RDM1: variants seen among roughly 807,000 people sequenced by gnomAD.
RDM1 encodes the protein RAD52 motif-containing protein 1.
In RDM1, 28 loss-of-function variants were observed where a neutral mutation model predicts 27.7. The observed-to-expected ratio is 1.01, with a 90% CI of 0.75 to 1.39. The LOEUF (loss-of-function observed/expected upper bound fraction) is 1.39. Ranked by LOEUF, RDM1 falls within the 40% of genes most tolerant of loss-of-function variation. RDM1 has a pLI of 0.00. For synonymous variants in RDM1, 124 were observed against 127.5 expected (o/e 0.97, Z 0.19); for missense variants, 277 against 337.3 (o/e 0.82, Z 1.40).
intron 2 of RDM1, among the ~76,000 whole-genome samples, chr17:35,926,528 C>T (rs1381847562): frequency 7.2e-5 from 11 of 152,162 alleles, no homozygotes; most frequent in African/African-American, 2.6e-4. Context: ...CTCAGCCTCC[C>T]GAGTAGTTGG....
At position 35,930,250 on chromosome 17, in the gene RDM1, A is replaced by C. The variant is rs1430886819; in HGVS notation, c.102T>G (p.Ser34=). Residue 34 remains serine (S), a synonymous_variant, in exon 2 of 7, where the codon TCT becomes TCG. Coordinates refer to ENST00000620284, the MANE Select transcript of RDM1 (RefSeq NM_145654.4). ...CAAACTGAGAAAATGCTGTGAACAG[A>C]GAATGCTGTGGGGGTGGGACAAGTA... The part of the protein sequence containing the change: ...SGPTAEALHH[S]LFTAFSQFGL... The C allele has an allele frequency of 1.2e-6, 2 of 1,614,016 alleles. No individual in the cohort carries two copies. The highest frequency in any genetic ancestry group is 1.3e-5 in the African/African-American group (1 of 74,932).
intron 5 of RDM1, among the ~76,000 whole-genome samples, chr17:35,921,068 G>T (rs566181020): frequency 1.3e-4 from 20 of 152,276 alleles, no homozygotes; most frequent in African/African-American, 4.8e-4. Flanking sequence ...TTCTGAGAGA[G>T]AGAACATTTG....
chr17:35,924,861 C>A, intron 3 of RDM1, 89 bp from the exon 4 acceptor site: 4 of 1,362,420 alleles, frequency 2.9e-6, no homozygotes, highest in Non-Finnish European at 4.0e-6. Context: ...CTTGGCTGGG[C>A]GTGGTGGTTC....
chr17:35,923,349 CAAAAAAAAAAAAA>C (rs1013511994), intron 4 of RDM1, among the ~76,000 whole-genome samples: 1 of 47,266 alleles, frequency 2.1e-5, no homozygotes, highest in East Asian at 6.2e-4. Flanking sequence ...GATTCTGTCT[CAAAAAAAAAAAAA>C]AAAAAAAAAG....
Position 35,920,205 on chromosome 17 carries a change from T to C in RDM1, c.735A>G (p.Glu245=). 1 of 1,586,418 alleles carries C rather than the reference T, an allele frequency of 6.3e-7. No homozygotes were observed. Among genetic ancestry groups the C allele is most frequent in the East Asian group, 2.2e-5 (1 of 44,608 alleles). ...EDIVGVRCEE[E]LHGLIQVPCS... The stretch of plus-strand genomic sequence containing the variant: ...CACATACTTGAATTAAACCGTGTAG[T>C]TCTTCTTCGCATCTGACACCTACGA... The change falls in exon 6 of 7, where the codon GAA becomes GAG. Residue 245 remains glutamate, a synonymous_variant. Transcript: ENST00000620284.
In RDM1 at chr17:35,921,100, G is replaced by A. The variant is rs1382706410; in HGVS notation, c.668-828C>T. ...TTTGAACATTTTATTGGCAGACACA[G>A]GCTCACATACCCTTATAGACAATAG... is the stretch of plus-strand genomic sequence containing the variant. On this transcript the variant is annotated intron_variant, in intron 5 of 6. Coordinates refer to ENST00000620284, the MANE Select transcript of RDM1 (RefSeq NM_145654.4). 4.6e-5 allele frequency among the ~76,000 whole-genome samples: 7 copies of A among 152,184 alleles called. No homozygotes were observed. The East Asian group carries it at 1.2e-3, about 25-fold the overall frequency.
At chr17:35,929,525 T>G (rs1268450138) in intron 2 of RDM1, among the ~76,000 whole-genome samples, 2 of 152,226 alleles carry the variant, frequency 1.3e-5, no homozygotes, top group South Asian at 2.1e-4. Context: ...CACTGCAGCC[T>G]CCACCTCCTG....
chr17:35,924,368 C>G (rs2089057832), intron 4 of RDM1, among the ~76,000 whole-genome samples: 1 of 152,078 alleles, frequency 6.6e-6, no homozygotes, highest in Non-Finnish European at 1.5e-5. Flanking sequence ...CTTCTTCCTC[C>G]TAAGCTTCTC....
chr17:35,924,687 G>A lies in RDM1; in HGVS notation c.485C>T (p.Ala162Val). 1 of 1,614,118 alleles carries A rather than the reference G, an allele frequency of 6.2e-7. No homozygotes were observed. Residue 162 changes from alanine (A) to valine (V), a missense_variant, in exon 4 of 7, where the codon GCT (alanine) becomes GTT (valine). Transcript: ENST00000620284. ...ACAGGATGGCAACACCACTTCTAAA[G>A]CACAGAAGAACTTCAGGCTTTGCTT... ...LPKQSLKFFCALEVVLPSCDC... is the reference protein window; with the variant it reads ...LPKQSLKFFCVLEVVLPSCDC...
intron 6 of RDM1, among the ~76,000 whole-genome samples, chr17:35,919,424 C>T (rs1049853631): frequency 6.6e-6 from 1 of 152,148 alleles, no homozygotes; most frequent in Non-Finnish European, 1.5e-5. Flanking sequence ...TTCCACAAAC[C>T]TAGGTGGTAT....
intron 4 of RDM1, among the ~76,000 whole-genome samples, chr17:35,923,349 CAAAAAAAAAAAAAA>C: frequency 2.1e-5 from 1 of 47,256 alleles, no homozygotes; most frequent in Admixed American, 2.4e-4. Flanking sequence ...GATTCTGTCT[CAAAAAAAAAAAAAA>C]AAAAAAAAGA....
At chr17:35,922,226 G>T in intron 5 of RDM1, 1 of 204,804 alleles carries the variant, frequency 4.9e-6, no homozygotes, top group Non-Finnish European at 9.7e-6. Context: ...CGGCCTAATT[G>T]CATTAAAAAT....
chr17:35,925,478 A>G (rs1246843424), intron 3 of RDM1, 37 bp downstream of exon 3: 1 of 1,608,650 alleles, frequency 6.2e-7, no homozygotes, highest in Non-Finnish European at 8.5e-7. Context: ...TGTTGAAAGG[A>G]GAGTGTGGTA....
chr17:35,930,553 C>T (rs2089291750), intron 1 of RDM1, 79 bp downstream of exon 1: 8 of 1,372,606 alleles, frequency 5.8e-6, no homozygotes, highest in Admixed American at 3.8e-5. Flanking sequence ...AGGTGAGGGT[C>T]TGAGGCAGGA....
intron 5 of RDM1, among the ~76,000 whole-genome samples, chr17:35,921,886 T>C (rs937029576): frequency 6.6e-6 from 1 of 151,836 alleles, no homozygotes; most frequent in Non-Finnish European, 1.5e-5. Context: ...CAAATCTCTC[T>C]GGCTATAAGA....
chr17:35,918,466 G>A (rs1210775860), intron 6 of RDM1, 23 bp from the exon 7 acceptor site: 1 of 1,590,190 alleles, frequency 6.3e-7, no homozygotes, highest in East Asian at 2.2e-5. Context: ...CGCTAGTTAG[G>A]GTGGCAGGCA....
Position 35,918,352 on chromosome 17 carries a change from T to G in RDM1, c.845A>C (p.Glu282Ala). The change falls in exon 7 of 7, where the codon GAA becomes GCA. Residue 282 changes from glutamate (E) to alanine (A), a missense_variant. Coordinates refer to ENST00000620284, the MANE Select transcript of RDM1 (RefSeq NM_145654.4). ...GGATATTCAGAAATGCTAGTCAAGT[T>G]CTGGCAGCCTGAACTCTTCCTCCTC... ...SLEEEEFRLPELD is the reference protein window; with the variant it reads ...SLEEEEFRLPALD The G allele has an allele frequency of 6.2e-7, 1 of 1,613,514 alleles. No individual in the cohort carries two copies. Among genetic ancestry groups the G allele is most frequent in the South Asian group, 1.1e-5 (1 of 91,050 alleles).
chr17:35,923,349 CAAAAAAA>C (rs1013511994), intron 4 of RDM1, among the ~76,000 whole-genome samples: 1 of 47,266 alleles, frequency 2.1e-5, no homozygotes, highest in Non-Finnish European at 4.2e-5. Flanking sequence ...GATTCTGTCT[CAAAAAAA>C]AAAAAAAAAA....
chr17:35,918,279 G>T lies in RDM1; in HGVS notation c.*63C>A. 7.0e-7 allele frequency: 1 copy of T among 1,420,596 alleles called. No homozygotes were observed. Among genetic ancestry groups the T allele is most frequent in the Non-Finnish European group, 9.9e-7 (1 of 1,009,054 alleles). 88.0% of individuals were successfully genotyped at this position (1,420,596 alleles called of 1,614,324 possible). On this transcript the variant is annotated 3_prime_UTR_variant, in exon 7 of 7. Transcript: ENST00000620284. The stretch of plus-strand genomic sequence containing the variant: ...GCCTATAGTGGTGGGGCGGCGTGGG[G>T]TAGGGGCACGACAGAGCTTCCCAAG...
Sources: allele counts gnomAD v4.1 joint callset (sites outside exome capture counted in the v4.1 genomes callset), GRCh38; gene constraint gnomAD v4.1.1; transcripts MANE v1.5; gene names NCBI Gene and HGNC (gene_info 2026-07-23, HGNC 2026-07-21).